The following DIAPH2 variants were observed in gnomAD, a reference collection of about 807,000 sequenced individuals.
DIAPH2 encodes protein diaphanous homolog 2.
In DIAPH2, 35 loss-of-function variants were observed where a neutral mutation model predicts 92.7. That is an observed-to-expected ratio of 0.38 (90% confidence interval 0.29 to 0.50). The LOEUF (loss-of-function observed/expected upper bound fraction) is 0.50. Ranked by LOEUF, DIAPH2 falls within the 20% of genes least tolerant of loss-of-function variation. DIAPH2 has a pLI of 0.94. For synonymous variants in DIAPH2, 301 were observed against 280.4 expected (o/e 1.07, Z -0.73); for missense variants, 701 against 819.5 (o/e 0.86, Z 1.77).
At chrX:96,877,702 T>C (rs960554168) in intron 4 of DIAPH2, among the ~76,000 whole-genome samples, 1 of 112,346 alleles carries the variant, frequency 8.9e-6, no homozygotes, top group African/African-American at 3.2e-5. Flanking sequence ...TGTTCTTTCT[T>C]AGAATATTGC....
chrX:97,306,940 G>C (rs1045784276), intron 23 of DIAPH2, among the ~76,000 whole-genome samples: 1 of 112,083 alleles, frequency 8.9e-6, no homozygotes, highest in African/African-American at 3.2e-5. Context: ...ACTCTGAAAG[G>C]TAAGGGGCAC....
chrX:97,401,047 A>G (rs909684410), intron 25 of DIAPH2, among the ~76,000 whole-genome samples: 3 of 109,558 alleles, frequency 2.7e-5, no homozygotes, highest in African/African-American at 1.0e-4. Context: ...TTTACTCTTC[A>G]TTCTTTTTTA....
At chrX:97,573,040 G>GGA (rs1349099174) in intron 26 of DIAPH2, among the ~76,000 whole-genome samples, 3 of 111,329 alleles carry the variant, frequency 2.7e-5, no homozygotes, top group Non-Finnish European at 5.6e-5. Context: ...ACTTTTAGAT[G>GGA]TCCCATATGG....
intron 22 of DIAPH2, among the ~76,000 whole-genome samples, chrX:97,178,539 A>G (rs1261103116): frequency 2.2e-5 from 2 of 89,692 alleles, no homozygotes; most frequent in African/African-American, 9.0e-5. Flanking sequence ...TGCAAGCTCC[A>G]CCTCCCGAGT....
At chrX:97,035,481 G>A (rs1271237670) in intron 17 of DIAPH2, among the ~76,000 whole-genome samples, 1 of 111,859 alleles carries the variant, frequency 8.9e-6, no homozygotes, top group African/African-American at 3.2e-5. Flanking sequence ...ACAAGGTGGG[G>A]AACAGTAGCT....
At chrX:96,900,241 G>A (rs188852206) in intron 5 of DIAPH2, among the ~76,000 whole-genome samples, 10 of 111,268 alleles carry the variant, frequency 9.0e-5, no homozygotes, top group East Asian at 2.8e-4. Context: ...ATTTGTTTTC[G>A]TTTTGCAGCT....
chrX:96,839,552 GAC>G (rs2064922194), intron 4 of DIAPH2, among the ~76,000 whole-genome samples: 1 of 111,200 alleles, frequency 9.0e-6, no homozygotes, highest in Non-Finnish European at 1.9e-5. Context: ...GCTAATAAGT[GAC>G]TTCTAAAACA....
chrX:96,858,010 A>G (rs2065050766), intron 4 of DIAPH2, among the ~76,000 whole-genome samples: 1 of 112,567 alleles, frequency 8.9e-6, no homozygotes, highest in Non-Finnish European at 1.9e-5. Context: ...TCCTCTTAAA[A>G]TAATTTATTC....
chrX:97,226,734 A>G (rs920350468), intron 22 of DIAPH2, among the ~76,000 whole-genome samples: 2 of 111,709 alleles, frequency 1.8e-5, no homozygotes, highest in Admixed American at 1.9e-4. Context: ...GTCACAGGAA[A>G]ATTCCCTCAA....
At position 97,386,661 on chromosome X, in the gene DIAPH2, C is replaced by T. The variant is rs184156790; in HGVS notation, c.3145+2617C>T. 5.6e-3 allele frequency among the ~76,000 whole-genome samples: 613 copies of T among 108,687 alleles called. 2 individuals are homozygous for T. Among genetic ancestry groups the T allele is most frequent in the African/African-American group, 0.02 (584 of 29,850 alleles). 94.4% of individuals were successfully genotyped at this position (108,687 alleles called of 115,157 possible). A position where few individuals can be genotyped will look rare whatever the true frequency, so the allele number is the denominator to read the frequency against. ...CCAGCCTGGGTGACAGAGTGAGACT[C>T]TGTCTCAAAATAAAAAAAAAAAGAA... On this transcript the variant is annotated intron_variant, in intron 25 of 26. Coordinates refer to ENST00000324765, the MANE Select transcript of DIAPH2 (RefSeq NM_006729.5).
intron 21 of DIAPH2, 42 bp downstream of exon 21, chrX:97,115,007 T>G (rs1363310683): frequency 9.1e-7 from 1 of 1,100,708 alleles, no homozygotes; most frequent in Non-Finnish European, 1.2e-6. Flanking sequence ...ACAATAATCT[T>G]CTTGTCTATG....
rs140275418 is a variant in DIAPH2, at chrX:97,140,387, G to T, written c.2590-1278G>T. 2.0e-4 allele frequency among the ~76,000 whole-genome samples: 22 copies of T among 111,310 alleles called. No individual in the cohort carries two copies. In the East Asian group the frequency reaches 6.2e-3, roughly 31 times the overall value. On this transcript the variant is annotated intron_variant, in intron 21 of 26. Transcript: ENST00000324765. ...GTTTGTGTTGCTTTTTGTTCTTTCA[G>T]CTTGTCCTTGAGTTGTGTCATTTCT...
At chrX:97,496,164 G>A (rs772836371) in intron 26 of DIAPH2, among the ~76,000 whole-genome samples, 1 of 86,791 alleles carries the variant, frequency 1.2e-5, no homozygotes, top group East Asian at 4.0e-4. Context: ...ATTTGAATTG[G>A]TACCTTTTTT....
chrX:97,364,418 T>C (rs771416199), intron 24 of DIAPH2, among the ~76,000 whole-genome samples: 10 of 111,918 alleles, frequency 8.9e-5, no homozygotes, highest in Non-Finnish European at 1.9e-4. Flanking sequence ...TCAGCTTTGA[T>C]TTTCCCTTTC....
In DIAPH2 at chrX:97,594,737, T is replaced by C. The variant is rs148522030; in HGVS notation, c.3242-4516T>C. Among the ~76,000 whole-genome samples, 1,051 of 112,262 alleles carry C rather than the reference T, an allele frequency of 9.4e-3. 10 individuals carry two copies. The highest frequency in any genetic ancestry group is 0.032 in the African/African-American group (1,002 of 30,891). ...TCTAGCCTACTAATTGGCATTAAAA[T>C]GGGATATTTTGTAACACTATGTATA... On this transcript the variant is annotated intron_variant, in intron 26 of 26. Transcript: ENST00000324765.
Position 96,896,369 on chromosome X carries a change from T to C in DIAPH2, c.587+14651T>C, listed in dbSNP as rs187298129. Among the ~76,000 whole-genome samples, 983 of 111,899 alleles carry C rather than the reference T, an allele frequency of 8.8e-3. 6 individuals are homozygous for C. The highest frequency in any genetic ancestry group is 0.013 in the Non-Finnish European group (676 of 53,072). On this transcript the variant is annotated intron_variant, in intron 5 of 26. Transcript: ENST00000324765. ...TTAATGATTTTTATGTTGTTGATAA[T>C]ATAGTTTAATGAGAGTATATAAGAA...
intron 25 of DIAPH2, among the ~76,000 whole-genome samples, chrX:97,425,803 A>G (rs773897932): frequency 1.0e-5 from 1 of 96,612 alleles, no homozygotes; most frequent in Admixed American, 1.2e-4. Flanking sequence ...AAAATCATAT[A>G]CTGGGTGTGT....
At chrX:96,687,885 A>G (rs2063779715) in intron 1 of DIAPH2, among the ~76,000 whole-genome samples, 2 of 111,735 alleles carry the variant, frequency 1.8e-5, no homozygotes, top group African/African-American at 6.5e-5. Context: ...TCTTGGACTC[A>G]TCACATTTTG....
intron 19 of DIAPH2, among the ~76,000 whole-genome samples, chrX:97,092,173 T>C (rs768417826): frequency 1.8e-5 from 2 of 112,099 alleles, no homozygotes; most frequent in South Asian, 3.7e-4. Flanking sequence ...TTTTTTCCCA[T>C]TGGGGAGTTT....
Sources: allele counts gnomAD v4.1 joint callset (sites outside exome capture counted in the v4.1 genomes callset), GRCh38; gene constraint gnomAD v4.1.1; transcripts MANE v1.5; gene names NCBI Gene and HGNC (gene_info 2026-07-23, HGNC 2026-07-21).